RICTOR: variants seen among roughly 807,000 people sequenced by gnomAD.
RICTOR encodes the protein RPTOR independent companion of MTOR complex 2, also known as rapamycin-insensitive companion of mTOR.
In RICTOR, 49 loss-of-function variants were observed where a neutral mutation model predicts 214.9. The observed-to-expected ratio is 0.23, with a 90% CI of 0.18 to 0.29. The LOEUF is 0.29. RICTOR is among the 10% of genes least tolerant of loss of function. The pLI is 1.00. For missense variants in RICTOR, 1,625 were observed against 2,047.0 expected, an observed-to-expected ratio of 0.79 and a Z score of 3.98; for synonymous variants, 717 against 711.3, an observed-to-expected ratio of 1.01 and a Z score of -0.13.
intron 7 of RICTOR, among the ~76,000 whole-genome samples, chr5:38,988,151 T>A (rs921288143): frequency 6.6e-6 from 1 of 152,138 alleles, no homozygotes; most frequent in Admixed American, 6.6e-5. Flanking sequence ...GTAAGTGTGA[T>A]GTAGTGCTGA....
chr5:39,048,072 AAAG>A (rs1757613148), intron 2 of RICTOR, among the ~76,000 whole-genome samples: 1 of 152,212 alleles, frequency 6.6e-6, no homozygotes, highest in South Asian at 2.1e-4. Flanking sequence ...ACATTAATGA[AAAG>A]AAGGGCTTCT....
At chr5:38,989,974 C>T (rs965911829) in intron 7 of RICTOR, among the ~76,000 whole-genome samples, 1 of 152,040 alleles carries the variant, frequency 6.6e-6, no homozygotes, top group Non-Finnish European at 1.5e-5. Context: ...CCAGAAATAC[C>T]ATTTGACCCA....
intron 2 of RICTOR, among the ~76,000 whole-genome samples, chr5:39,027,604 A>G (rs1382780003): frequency 1.3e-5 from 2 of 152,206 alleles, no homozygotes; most frequent in Admixed American, 6.5e-5. Context: ...TAAGTTACAC[A>G]TATTTATGTT....
At chr5:38,993,807 G>A (rs895717765) in intron 6 of RICTOR, among the ~76,000 whole-genome samples, 1 of 152,096 alleles carries the variant, frequency 6.6e-6, no homozygotes, top group African/African-American at 2.4e-5. Context: ...GCCAGAAGTA[G>A]AAAATTCAGC....
chr5:39,063,017 C>A (rs9292731), intron 2 of RICTOR, among the ~76,000 whole-genome samples: 24,609 of 151,930 alleles, frequency 0.16, 2,130 homozygotes, highest in Middle Eastern at 0.23. Context: ...AATAAAAACA[C>A]CACCCATCCC....
At chr5:38,948,498 C>A (rs915385229) in intron 31 of RICTOR, among the ~76,000 whole-genome samples, 1 of 152,018 alleles carries the variant, frequency 6.6e-6, no homozygotes, top group South Asian at 2.1e-4. Flanking sequence ...GTATAGGTCC[C>A]TTTCTATCTA....
intron 10 of RICTOR, 88 bp downstream of exon 10, chr5:38,975,449 A>T: frequency 1.1e-6 from 1 of 880,310 alleles, no homozygotes; most frequent in Non-Finnish European, 1.9e-6. Context: ...TTAGCATCTG[A>T]ATTAGGTGCT....
chr5:39,015,084 G>A (rs1754843929), intron 3 of RICTOR, among the ~76,000 whole-genome samples: 2 of 152,084 alleles, frequency 1.3e-5, no homozygotes, highest in Admixed American at 1.3e-4. Flanking sequence ...GAGAAACTCA[G>A]TTTAGTAACA....
At chr5:39,006,871 C>T (rs898173610) in intron 3 of RICTOR, among the ~76,000 whole-genome samples, 7 of 152,102 alleles carry the variant, frequency 4.6e-5, no homozygotes, top group East Asian at 3.9e-4. Context: ...TATTACAATA[C>T]TGGTATTCCT....
intron 3 of RICTOR, among the ~76,000 whole-genome samples, chr5:39,011,735 T>A (rs1017233320): frequency 6.6e-6 from 1 of 152,334 alleles, no homozygotes; most frequent in Middle Eastern, 3.4e-3. Flanking sequence ...GTTTTGGACT[T>A]GCATGGGGCC....
At chr5:38,964,728 G>A in intron 16 of RICTOR, 64 bp downstream of exon 16, 1 of 809,958 alleles carries the variant, frequency 1.2e-6, no homozygotes, top group Middle Eastern at 2.4e-4. Flanking sequence ...AAAAAGAAGA[G>A]ACAATAATCT....
At chr5:39,009,652 C>A (rs942765806) in intron 3 of RICTOR, among the ~76,000 whole-genome samples, 7 of 149,972 alleles carry the variant, frequency 4.7e-5, no homozygotes, top group African/African-American at 1.8e-4. Flanking sequence ...CAGGTTGTTT[C>A]CAGGACTGTA....
intron 2 of RICTOR, among the ~76,000 whole-genome samples, chr5:39,071,962 A>C (rs1299966202): frequency 6.6e-6 from 1 of 152,188 alleles, no homozygotes; most frequent in African/African-American, 2.4e-5. Flanking sequence ...TTATTACTAA[A>C]CTTTAATTCC....
chr5:38,938,650 C>T lies in RICTOR; in HGVS notation c.*3654G>A. 1 of 232,468 alleles carries T rather than the reference C, an allele frequency of 4.3e-6. No homozygotes were observed. Among genetic ancestry groups the T allele is most frequent in the Non-Finnish European group, 8.5e-6 (1 of 117,636 alleles). 14.4% of individuals were successfully genotyped at this position (232,468 alleles called of 1,614,324 possible). A position where few individuals can be genotyped will look rare whatever the true frequency, so the allele number is the denominator to read the frequency against. On this transcript the variant is annotated 3_prime_UTR_variant, in exon 38 of 38. Transcript: ENST00000357387. Reference sequence around the variant, plus strand: ...TAAACCTACTAGGAATGAAAAATACCCTGGAACTTGGAACTAAAAGAAGAA... The same window carrying T: ...TAAACCTACTAGGAATGAAAAATACTCTGGAACTTGGAACTAAAAGAAGAA...
chr5:38,982,468 C>A (rs113883004), intron 7 of RICTOR, among the ~76,000 whole-genome samples: 1 of 152,104 alleles, frequency 6.6e-6, no homozygotes, highest in Non-Finnish European at 1.5e-5. Context: ...TCAAAAATTT[C>A]TTGCTCCAAA....
chr5:39,004,412 A>G (rs1415179751), intron 3 of RICTOR, among the ~76,000 whole-genome samples: 4 of 151,964 alleles, frequency 2.6e-5, no homozygotes, highest in African/African-American at 9.7e-5. Context: ...GAAGTCTGCC[A>G]TCAGTCTTAT....
intron 5 of RICTOR, among the ~76,000 whole-genome samples, chr5:38,998,339 C>T (rs1020697349): frequency 4.6e-5 from 7 of 152,164 alleles, no homozygotes; most frequent in Admixed American, 1.3e-4. Flanking sequence ...GTGTATGCCA[C>T]CATGCCTGGC....
At chr5:38,958,150 T>C (rs889856323) in intron 24 of RICTOR, among the ~76,000 whole-genome samples, 1 of 151,914 alleles carries the variant, frequency 6.6e-6, no homozygotes, top group Non-Finnish European at 1.5e-5. Context: ...GGCAGGAGAA[T>C]CACTTGAACT....
chr5:39,065,057 G>A (rs921896837), intron 2 of RICTOR, among the ~76,000 whole-genome samples: 2 of 152,120 alleles, frequency 1.3e-5, no homozygotes, highest in South Asian at 2.1e-4. Flanking sequence ...TTATGTATCA[G>A]GCCATTCTTG....
Sources: allele counts gnomAD v4.1 joint callset (sites outside exome capture counted in the v4.1 genomes callset), GRCh38; gene constraint gnomAD v4.1.1; transcripts MANE v1.5; gene names NCBI Gene and HGNC (gene_info 2026-07-23, HGNC 2026-07-21).